PHGDH: variants seen among roughly 807,000 people sequenced by gnomAD.
The protein encoded by PHGDH is D-3-phosphoglycerate dehydrogenase.
In PHGDH, 50 loss-of-function variants were observed where a neutral mutation model predicts 52.6. That is an observed-to-expected ratio of 0.95 (90% CI 0.76 to 1.20). PHGDH has a LOEUF of 1.20. Among genes scored for constraint, PHGDH ranks in the 50% most tolerant of loss-of-function variants. PHGDH has a pLI of 0.00. For synonymous variants in PHGDH, 271 were observed against 280.5 expected (o/e 0.97, Z 0.34); for missense variants, 630 against 684.6 (o/e 0.92, Z 0.89).
chr1:119,730,821 T>C (rs1651658649), intron 5 of PHGDH, among the ~76,000 whole-genome samples: 1 of 152,072 alleles, frequency 6.6e-6, no homozygotes, highest in Non-Finnish European at 1.5e-5. Context: ...CCACCTCAGT[T>C]TGGAGGGAGA....
intron 1 of PHGDH, among the ~76,000 whole-genome samples, chr1:119,714,835 T>C (rs1557963722): frequency 6.6e-6 from 1 of 152,302 alleles, no homozygotes; most frequent in East Asian, 1.9e-4. Context: ...GAGGATCGCT[T>C]GAGCCTAGGA....
At chr1:119,734,263 A>G (rs1015996552) in intron 5 of PHGDH, 1 of 354,368 alleles carries the variant, frequency 2.8e-6, no homozygotes, top group Admixed American at 3.8e-5. Context: ...GTCCAGACCT[A>G]TATGAGCTAT....
Position 119,730,746 on chromosome 1 carries a change from C to T in PHGDH, c.510+3644C>T, listed in dbSNP as rs587726300. On this transcript the variant is annotated intron_variant, in intron 5 of 11. Coordinates refer to ENST00000641023, the MANE Select transcript of PHGDH (RefSeq NM_006623.4). ...CATCTTTCATGATTCCCTCGGGGTT[C>T]GGATGGAGCCCCTTGAGCTTGGTGC... 4.6e-5 allele frequency among the ~76,000 whole-genome samples: 7 copies of T among 152,186 alleles called. No individual in the cohort carries two copies. In the East Asian group the frequency reaches 1.2e-3, roughly 25 times the overall value.
chr1:119,729,129 G>C (rs1272852113), intron 5 of PHGDH, among the ~76,000 whole-genome samples: 1 of 152,110 alleles, frequency 6.6e-6, no homozygotes, highest in African/African-American at 2.4e-5. Context: ...CTAAGCCTCT[G>C]CACTGAGAAG....
intron 1 of PHGDH, chr1:119,713,116 G>A (rs1379757208): frequency 6.6e-6 from 1 of 152,320 alleles, no homozygotes; most frequent in African/African-American, 2.4e-5. Context: ...CTTCACTCCA[G>A]TGCCTGCACT....
At chr1:119,712,365 T>G (rs1650735094) in intron 1 of PHGDH, 1 of 591,446 alleles carries the variant, frequency 1.7e-6, no homozygotes, top group African/African-American at 1.9e-5. Context: ...AACTTTTCTT[T>G]TAGTTTGCAA....
chr1:119,741,854 A>C lies in PHGDH; in HGVS notation c.1166A>C (p.Asn389Thr). Residue 389 changes from asparagine (N) to threonine (T), a missense_variant, in exon 10 of 12, where the codon AAC becomes ACC. By Grantham distance (65) the Asn-to-Thr change is moderately conservative. Coordinates refer to ENST00000641023, the MANE Select transcript of PHGDH (RefSeq NM_006623.4). The part of the protein sequence containing the change: ...LKEASKQADV[N>T]LVNAKLLVKE... ...GAGGCTTCCAAGCAGGCGGATGTGA[A>C]CTTGGTGAACGCTAAGCTGCTGGTG... is the stretch of plus-strand genomic sequence containing the variant. 1.2e-6 allele frequency: 2 copies of C among 1,613,954 alleles called. No individual in the cohort carries two copies. Among genetic ancestry groups the C allele is most frequent in the Non-Finnish European group, 1.7e-6 (2 of 1,179,826 alleles).
chr1:119,742,858 T>C lies in PHGDH; in HGVS notation c.1261T>C (p.Cys421Arg). 6.2e-7 allele frequency: 1 copy of C among 1,613,954 alleles called. No individual in the cohort carries two copies. The highest frequency in any genetic ancestry group is 8.5e-7 in the Non-Finnish European group (1 of 1,179,840). Residue 421 changes from cysteine to arginine, a missense_variant, in exon 11 of 12, where the codon TGC becomes CGC. Transcript: ENST00000641023. Reference sequence around the variant, plus strand: ...ACCAGGGGAGCAAGGCTTCGGGGAATGCCTCCTGGCCGTGGCCCTGGCAGG... The same window carrying C: ...ACCAGGGGAGCAAGGCTTCGGGGAACGCCTCCTGGCCGTGGCCCTGGCAGG... Reference protein sequence around the residue: ...AAPGEQGFGECLLAVALAGAP... With the variant: ...AAPGEQGFGERLLAVALAGAP...
intron 1 of PHGDH, chr1:119,714,523 G>A (rs933230077): frequency 3.3e-5 from 5 of 152,242 alleles, no homozygotes; most frequent in South Asian, 2.1e-4. Context: ...TTTCATTTAT[G>A]TTGTGTAGTT....
intron 6 of PHGDH, 53 bp downstream of exon 6, chr1:119,734,819 C>T (rs201471921): frequency 1.3e-6 from 2 of 1,595,306 alleles, no homozygotes; most frequent in Non-Finnish European, 1.7e-6. Context: ...GACCAGTTAA[C>T]AAATGGGCCC....
chr1:119,730,466 A>G (rs1047875253), intron 5 of PHGDH, among the ~76,000 whole-genome samples: 1 of 152,214 alleles, frequency 6.6e-6, no homozygotes, highest in East Asian at 1.9e-4. Context: ...TCAGTTTAGC[A>G]TGTCATCCGA....
chr1:119,741,657 C>A, intron 9 of PHGDH, 110 bp from the exon 10 acceptor site: 1 of 1,015,598 alleles, frequency 9.8e-7, no homozygotes, highest in Non-Finnish European at 1.6e-6. Context: ...CTTTGGGGTC[C>A]CCAGGGCAGC....
At chr1:119,724,933 C>G (rs1489326663) in intron 3 of PHGDH, 2 of 455,890 alleles carry the variant, frequency 4.4e-6, no homozygotes, top group South Asian at 3.1e-5. Flanking sequence ...TTCGTTTCAT[C>G]AGACTGTTCC....
intron 6 of PHGDH, 132 bp from the exon 7 acceptor site, chr1:119,735,163 G>T: frequency 1.7e-6 from 2 of 1,185,418 alleles, no homozygotes; most frequent in Non-Finnish European, 2.5e-6. Context: ...TGAGAGCAAA[G>T]AGGCTGCCGT....
In PHGDH at chr1:119,733,660, A is replaced by G. The variant is rs970293936; in HGVS notation, c.511-974A>G. The stretch of plus-strand genomic sequence containing the variant: ...TTTCCCATTATATTCTAAAGTATCT[A>G]TACTGTATCCCTAATTTCAAAAGTA... On this transcript the variant is annotated intron_variant, in intron 5 of 11. Coordinates refer to ENST00000641023, the MANE Select transcript of PHGDH (RefSeq NM_006623.4). 2.0e-5 allele frequency among the ~76,000 whole-genome samples: 3 copies of G among 152,328 alleles called. No individual in the cohort carries two copies. The East Asian group carries it at 5.8e-4, about 29-fold the overall frequency.
At chr1:119,722,202 A>G (rs1291786987) in intron 2 of PHGDH, among the ~76,000 whole-genome samples, 18 of 152,174 alleles carry the variant, frequency 1.2e-4, no homozygotes, top group Admixed American at 1.1e-3. Flanking sequence ...CTGCACCTCT[A>G]CTTGCGCCCC....
At chr1:119,738,188 T>G (rs1193160803) in intron 8 of PHGDH, among the ~76,000 whole-genome samples, 1 of 151,792 alleles carries the variant, frequency 6.6e-6, no homozygotes, top group Non-Finnish European at 1.5e-5. Flanking sequence ...AGTCAAAGGG[T>G]CAGGAAAATG....
intron 1 of PHGDH, among the ~76,000 whole-genome samples, chr1:119,713,973 G>A (rs895210927): frequency 6.6e-6 from 1 of 152,182 alleles, no homozygotes; most frequent in Non-Finnish European, 1.5e-5. Flanking sequence ...GTCTGGTGCT[G>A]AAACTTGGAG....
chr1:119,727,189 T>A (rs959599458), intron 5 of PHGDH, 87 bp downstream of exon 5: 79 of 826,224 alleles, frequency 9.6e-5, no homozygotes, highest in Non-Finnish European at 1.7e-4. Context: ...CCAGAAGCTT[T>A]GTTCTAGGAG....
Sources: allele counts gnomAD v4.1 joint callset (sites outside exome capture counted in the v4.1 genomes callset), GRCh38; gene constraint gnomAD v4.1.1; transcripts MANE v1.5; gene names NCBI Gene and HGNC (gene_info 2026-07-23, HGNC 2026-07-21).